The following DLG2 variants were observed in gnomAD, a reference collection of about 807,000 sequenced individuals.
DLG2 encodes disks large homolog 2.
Under a neutral mutation model 132.5 loss-of-function variants are expected in DLG2, and 45 were observed. The ratio of observed to expected loss-of-function variants is 0.34; its 90% confidence interval spans 0.27 to 0.44. The LOEUF (loss-of-function observed/expected upper bound fraction) is 0.44. DLG2 is among the 20% of genes least tolerant of loss of function. DLG2 has a pLI of 1.00. For missense variants in DLG2, 1,045 were observed against 1,196.9 expected, an observed-to-expected ratio of 0.87 and a Z score of 1.87; for synonymous variants, 424 against 419.6, an observed-to-expected ratio of 1.01 and a Z score of -0.13.
At chr11:84,132,215 T>C (rs2094447110) in intron 9 of DLG2, among the ~76,000 whole-genome samples, 1 of 151,992 alleles carries the variant, frequency 6.6e-6, no homozygotes, top group Non-Finnish European at 1.5e-5. Flanking sequence ...ATTTAGTATA[T>C]GCCCAGCCTA....
chr11:85,190,702 C>G (rs374222215), intron 4 of DLG2, among the ~76,000 whole-genome samples: 39 of 152,062 alleles, frequency 2.6e-4, no homozygotes, highest in African/African-American at 8.7e-4. Context: ...CACAGAAATA[C>G]AAAAGCTCTG....
intron 4 of DLG2, among the ~76,000 whole-genome samples, chr11:85,219,144 T>C (rs1328857191): frequency 1.3e-5 from 2 of 152,142 alleles, no homozygotes; most frequent in African/African-American, 2.4e-5. Flanking sequence ...ACCTGGGTGA[T>C]GGAATCTGTA....
chr11:85,340,370 T>C (rs1352290068), intron 3 of DLG2, among the ~76,000 whole-genome samples: 2 of 152,138 alleles, frequency 1.3e-5, no homozygotes, highest in African/African-American at 2.4e-5. Flanking sequence ...ACCATCATTC[T>C]CAGCAAACTA....
At chr11:85,231,634 T>G (rs569336274) in intron 4 of DLG2, among the ~76,000 whole-genome samples, 5 of 152,048 alleles carry the variant, frequency 3.3e-5, no homozygotes, top group African/African-American at 1.2e-4. Context: ...ATTGTTGACA[T>G]CATCAGAGTG....
chr11:84,445,061 C>G (rs896468698), intron 7 of DLG2, among the ~76,000 whole-genome samples: 2 of 152,142 alleles, frequency 1.3e-5, no homozygotes, highest in Non-Finnish European at 2.9e-5. Context: ...ATCCGCCTGC[C>G]TCGGCTTCCC....
intron 10 of DLG2, among the ~76,000 whole-genome samples, chr11:84,075,267 G>A (rs11233900): frequency 0.87 from 131,957 of 152,142 alleles, 57,516 homozygotes; most frequent in Middle Eastern, 0.94. Context: ...GATATTTTGT[G>A]TAGTTGTTTA....
At chr11:84,542,384 T>C (rs1175407088) in intron 6 of DLG2, among the ~76,000 whole-genome samples, 1 of 152,212 alleles carries the variant, frequency 6.6e-6, no homozygotes, top group East Asian at 1.9e-4. Context: ...AAAAAACTTG[T>C]TAGTTTCACT....
chr11:84,381,153 A>C (rs1005168551), intron 7 of DLG2, among the ~76,000 whole-genome samples: 1 of 152,102 alleles, frequency 6.6e-6, no homozygotes, highest in Non-Finnish European at 1.5e-5. Flanking sequence ...TTTCCTGACA[A>C]TCATAACTTA....
intron 4 of DLG2, among the ~76,000 whole-genome samples, chr11:85,268,570 A>G (rs569689306): frequency 1.3e-5 from 2 of 152,354 alleles, no homozygotes; most frequent in East Asian, 1.9e-4. Context: ...AAATTTCTAA[A>G]TTAAGCGAGA....
chr11:85,182,193 T>C (rs1277902077), intron 4 of DLG2, among the ~76,000 whole-genome samples: 1 of 151,878 alleles, frequency 6.6e-6, no homozygotes, highest in African/African-American at 2.4e-5. Context: ...TTCACAAATA[T>C]CTTACGAGGG....
At chr11:84,671,902 C>T (rs1198281751) in intron 6 of DLG2, among the ~76,000 whole-genome samples, 1 of 152,042 alleles carries the variant, frequency 6.6e-6, no homozygotes, top group Non-Finnish European at 1.5e-5. Flanking sequence ...TTTTGTCTTC[C>T]TCTTGTATTT....
intron 6 of DLG2, among the ~76,000 whole-genome samples, chr11:84,680,735 T>C (rs1020409445): frequency 2.6e-5 from 4 of 152,206 alleles, no homozygotes; most frequent in Non-Finnish European, 5.9e-5. Flanking sequence ...GCAAATACCA[T>C]AGCTTGTACT....
intron 19 of DLG2, among the ~76,000 whole-genome samples, chr11:83,607,825 G>T (rs566763040): frequency 6.6e-6 from 1 of 152,166 alleles, no homozygotes; most frequent in Non-Finnish European, 1.5e-5. Context: ...AATATGGATG[G>T]CTCTTATAAA....
At chr11:84,048,048 T>A (rs541404875) in intron 11 of DLG2, among the ~76,000 whole-genome samples, 3 of 151,542 alleles carry the variant, frequency 2.0e-5, no homozygotes, top group Non-Finnish European at 4.4e-5. Flanking sequence ...ATGTCTTATA[T>A]CCAGAAATAA....
At chr11:84,700,819 A>G (rs185493762) in intron 6 of DLG2, among the ~76,000 whole-genome samples, 1 of 151,758 alleles carries the variant, frequency 6.6e-6, no homozygotes, top group African/African-American at 2.4e-5. Flanking sequence ...AAAAGCAAAG[A>G]CATCCTCACT....
At chr11:85,303,008 G>A (rs1031116421) in intron 3 of DLG2, among the ~76,000 whole-genome samples, 5 of 152,128 alleles carry the variant, frequency 3.3e-5, no homozygotes, top group African/African-American at 1.2e-4. Context: ...CACTCCTTTA[G>A]TAAGTGATGG....
intron 3 of DLG2, among the ~76,000 whole-genome samples, chr11:85,581,768 T>A (rs1215631539): frequency 6.6e-6 from 1 of 151,950 alleles, no homozygotes; most frequent in Non-Finnish European, 1.5e-5. Flanking sequence ...GAAGGCAGAG[T>A]ATATGGATGC....
chr11:85,577,584 T>A (rs2078233604), intron 3 of DLG2, among the ~76,000 whole-genome samples: 1 of 152,052 alleles, frequency 6.6e-6, no homozygotes, highest in African/African-American at 2.4e-5. Context: ...AGATGCTAAA[T>A]AGGCAATAGT....
At chr11:84,505,567 AG>A (rs2099236730) in intron 7 of DLG2, among the ~76,000 whole-genome samples, 1 of 152,200 alleles carries the variant, frequency 6.6e-6, no homozygotes, top group African/African-American at 2.4e-5. Context: ...CAACAACATC[AG>A]GTTCCTAATT....
Sources: gnomAD v4.1 joint callset for allele counts (sites outside exome capture counted in the v4.1 genomes callset) on GRCh38, gnomAD v4.1.1 for gene constraint, MANE v1.5 for transcripts, NCBI Gene and HGNC (gene_info 2026-07-23, HGNC 2026-07-21) for gene names.